Variants in CNTNAP2 observed in about 807,000 individuals in gnomAD.
CNTNAP2 encodes the protein contactin-associated protein-like 2.
In CNTNAP2, 98 loss-of-function variants were observed where a neutral mutation model predicts 155.2. That is an observed-to-expected ratio of 0.63 (90% confidence interval 0.54 to 0.75). The LOEUF is 0.75. Among genes scored for constraint, CNTNAP2 ranks in the 30% least tolerant of loss-of-function variants. The probability of loss-of-function intolerance (pLI) is 0.00; values close to 1 mark genes in which losing one functional copy is unlikely to be tolerated. For missense variants in CNTNAP2, 1,727 were observed against 1,688.1 expected (o/e 1.02, Z -0.40); for synonymous variants, 651 against 631.2 (o/e 1.03, Z -0.47).
At chr7:147,686,395 A>G (rs1796018204) in intron 13 of CNTNAP2, among the ~76,000 whole-genome samples, 1 of 152,114 alleles carries the variant, frequency 6.6e-6, no homozygotes, top group African/African-American at 2.4e-5. Context: ...TAAATTCAAA[A>G]TAAATATCCA....
intron 3 of CNTNAP2, among the ~76,000 whole-genome samples, chr7:146,970,183 T>C (rs1451527652): frequency 6.6e-6 from 1 of 152,028 alleles, no homozygotes; most frequent in Non-Finnish European, 1.5e-5. Context: ...CCAAAAGCAA[T>C]GGCAACAAAA....
chr7:146,211,724 A>C (rs969264687), intron 1 of CNTNAP2, among the ~76,000 whole-genome samples: 36 of 152,296 alleles, frequency 2.4e-4, no homozygotes, highest in Admixed American at 2.2e-3. Context: ...TGAGTCAAAC[A>C]TGAGGAAATA....
intron 1 of CNTNAP2, among the ~76,000 whole-genome samples, chr7:146,717,348 T>TAAAA (rs35996896): frequency 8.4e-6 from 1 of 119,352 alleles, no homozygotes; most frequent in South Asian, 2.9e-4. Context: ...ACTAAAAAAT[T>TAAAA]AAAAAAAAAA....
chr7:147,318,621 A>C (rs1795281789), intron 9 of CNTNAP2, among the ~76,000 whole-genome samples: 1 of 151,924 alleles, frequency 6.6e-6, no homozygotes. Context: ...CAATAAGAAC[A>C]CATGGACACA....
chr7:147,155,651 A>G (rs557091457), intron 8 of CNTNAP2, among the ~76,000 whole-genome samples: 17 of 152,324 alleles, frequency 1.1e-4, no homozygotes, highest in African/African-American at 4.1e-4. Flanking sequence ...ACAATTAAGC[A>G]TAATATATGA....
intron 4 of CNTNAP2, among the ~76,000 whole-genome samples, chr7:147,101,553 G>T (rs1800653554): frequency 6.6e-6 from 1 of 152,188 alleles, no homozygotes; most frequent in Non-Finnish European, 1.5e-5. Context: ...GCAGGTCCTT[G>T]TCTGGCATTC....
chr7:147,494,595 G>T (rs1798667115), intron 11 of CNTNAP2, among the ~76,000 whole-genome samples: 1 of 152,024 alleles, frequency 6.6e-6, no homozygotes. Flanking sequence ...GAGGGAACTG[G>T]CATTATTCAT....
intron 8 of CNTNAP2, 47 bp from the exon 9 acceptor site, chr7:147,300,094 G>T (rs1462220999): frequency 5.0e-6 from 8 of 1,593,960 alleles, no homozygotes; most frequent in Non-Finnish European, 5.2e-6. Flanking sequence ...ATTGTGTTCA[G>T]CTGGGTAATT....
At chr7:148,092,316 C>A (rs1472374046) in intron 15 of CNTNAP2, among the ~76,000 whole-genome samples, 1 of 152,162 alleles carries the variant, frequency 6.6e-6, no homozygotes, top group African/African-American at 2.4e-5. Flanking sequence ...TCAATCCACA[C>A]AGGAATATGC....
chr7:147,867,864 G>A (rs1190262748), intron 13 of CNTNAP2, among the ~76,000 whole-genome samples: 1 of 151,990 alleles, frequency 6.6e-6, no homozygotes. Context: ...CTTTTTTCAA[G>A]GTTTTTAACT....
intron 15 of CNTNAP2, among the ~76,000 whole-genome samples, chr7:147,983,826 T>C (rs921375334): frequency 1.3e-5 from 2 of 152,216 alleles, no homozygotes; most frequent in East Asian, 3.9e-4. Context: ...TGAAGTCTCC[T>C]AGGTGGCTGC....
chr7:147,077,859 G>A lies in CNTNAP2; in HGVS notation c.551-30288G>A, dbSNP rs888277727. ...AGCAAGTACTATATAAATGTAATACGTATGCAATTAAAATAGGCTTCAAGA... is the reference window on the plus strand; with the variant it reads ...AGCAAGTACTATATAAATGTAATACATATGCAATTAAAATAGGCTTCAAGA... On this transcript the variant is annotated intron_variant, in intron 4 of 23. Transcript: ENST00000361727. Among the ~76,000 whole-genome samples the A allele has an allele frequency of 8.5e-5, 13 of 152,178 alleles. No individual in the cohort carries two copies. In the South Asian group the frequency reaches 1.0e-3, roughly 12 times the overall value.
At chr7:147,974,082 A>C in intron 14 of CNTNAP2, among the ~76,000 whole-genome samples, 1 of 152,134 alleles carries the variant, frequency 6.6e-6, no homozygotes, top group Non-Finnish European at 1.5e-5. Context: ...AATTTTTTTA[A>C]GTTCAAAACC....
chr7:148,149,908 T>G (rs1805264514), intron 17 of CNTNAP2, among the ~76,000 whole-genome samples: 2 of 152,044 alleles, frequency 1.3e-5, no homozygotes, highest in Admixed American at 6.6e-5. Flanking sequence ...AACAGAAATT[T>G]CAGAACAGGA....
chr7:148,155,720 A>T (rs1480520308), intron 17 of CNTNAP2, among the ~76,000 whole-genome samples: 1 of 152,172 alleles, frequency 6.6e-6, no homozygotes, highest in Non-Finnish European at 1.5e-5. Flanking sequence ...AACAATAACA[A>T]ATTTTCTAAA....
In CNTNAP2 at chr7:147,200,645, T is replaced by A. The variant is rs372732159; in HGVS notation, c.1348+68136T>A. On this transcript the variant is annotated intron_variant, in intron 8 of 23. Transcript: ENST00000361727. ...AAGTGGTTCACTATAAAAAGTTTTT[T>A]AGAAAATGTCCAGAACAAAAGATGA... Among the ~76,000 whole-genome samples, 35 of 152,284 alleles carry A rather than the reference T, an allele frequency of 2.3e-4. No homozygotes were observed. The East Asian group carries it at 5.0e-3, about 22-fold the overall frequency.
chr7:146,836,507 C>A (rs765992658), intron 2 of CNTNAP2, among the ~76,000 whole-genome samples: 14 of 152,150 alleles, frequency 9.2e-5, no homozygotes, highest in Non-Finnish European at 1.5e-4. Flanking sequence ...AGTAATACCA[C>A]CTCATATGTA....
At chr7:146,474,250 A>C (rs1425749803) in intron 1 of CNTNAP2, among the ~76,000 whole-genome samples, 1 of 149,832 alleles carries the variant, frequency 6.7e-6, no homozygotes, top group Non-Finnish European at 1.5e-5. Flanking sequence ...CAAATAAACT[A>C]TTTGTTTCTG....
intron 1 of CNTNAP2, among the ~76,000 whole-genome samples, chr7:146,598,501 A>T (rs139644943): frequency 6.6e-6 from 1 of 152,160 alleles, no homozygotes; most frequent in East Asian, 1.9e-4. Flanking sequence ...CTCTATCAAA[A>T]TATGTCTTGT....
Sources: allele counts gnomAD v4.1 joint callset (sites outside exome capture counted in the v4.1 genomes callset), GRCh38; gene constraint gnomAD v4.1.1; transcripts MANE v1.5; gene names NCBI Gene and HGNC (gene_info 2026-07-23, HGNC 2026-07-21).